Variants in SNW1 observed in about 807,000 individuals in gnomAD.
SNW1 encodes SNW domain containing 1.
SNW1 carries 9 observed loss-of-function variants against 75.6 expected under a neutral mutation model. That is an observed-to-expected ratio of 0.12 (90% CI 0.07 to 0.21). The LOEUF (loss-of-function observed/expected upper bound fraction) is 0.21, where lower values mean the gene tolerates loss of function less well. Among genes scored for constraint, SNW1 ranks in the 10% least tolerant of loss-of-function variants. The pLI is 1.00. For synonymous variants in SNW1, 200 were observed against 219.1 expected (o/e 0.91, Z 0.77); for missense variants, 409 against 670.9 (o/e 0.61, Z 4.31).
At chr14:77,723,654 T>C (rs1235325490) in intron 10 of SNW1, among the ~76,000 whole-genome samples, 1 of 151,982 alleles carries the variant, frequency 6.6e-6, no homozygotes. Flanking sequence ...TCAGCCCCAT[T>C]AGTATTTTGT....
rs1346426804 is a variant in SNW1, at chr14:77,755,129, A to G, written c.15-9T>C. ...TAGGTGCAGGTAAAAAGCTATAAGC[A>G]AAGATAATAAAAGTCAGAAATTTAA... On this transcript the variant is annotated splice_polypyrimidine_tract_variant and intron_variant, in intron 1 of 13. Coordinates refer to ENST00000261531, the MANE Select transcript of SNW1 (RefSeq NM_012245.3). 3.7e-6 allele frequency: 6 copies of G among 1,604,266 alleles called. No individual in the cohort carries two copies. Among genetic ancestry groups the G allele is most frequent in the East Asian group, 2.2e-5 (1 of 44,830 alleles).
intron 6 of SNW1, among the ~76,000 whole-genome samples, chr14:77,736,743 C>A (rs988209071): frequency 6.6e-6 from 1 of 152,066 alleles, no homozygotes; most frequent in African/African-American, 2.4e-5. Flanking sequence ...TTGCCCCTTG[C>A]CTATTCCTCT....
intron 3 of SNW1, among the ~76,000 whole-genome samples, chr14:77,751,045 A>C (rs2080803534): frequency 6.6e-6 from 1 of 152,182 alleles, no homozygotes; most frequent in African/African-American, 2.4e-5. Flanking sequence ...CTAGTAATAT[A>C]AAGTAACTGT....
In SNW1 at chr14:77,723,401, G is replaced by A. The variant is rs938696323; in HGVS notation, c.1034-124C>T. ...ATCTCACTCTGTCACCCAGGCTGGA[G>A]TGTAGTAGCATGAACATGGTTCACT... On this transcript the variant is annotated intron_variant, in intron 10 of 13. Coordinates refer to ENST00000261531, the MANE Select transcript of SNW1 (RefSeq NM_012245.3). 2.4e-5 allele frequency: 17 copies of A among 709,128 alleles called. No homozygotes were observed. The South Asian group carries it at 2.7e-4, about 11-fold the overall frequency. The allele number at this position is 709,128 out of a possible 1,614,324, so 43.9% of individuals were successfully genotyped here. A position where few individuals can be genotyped will look rare whatever the true frequency, so the allele number is the denominator to read the frequency against.
chr14:77,741,074 G>T (rs2139916047), intron 3 of SNW1, among the ~76,000 whole-genome samples: 1 of 122,766 alleles, frequency 8.1e-6, no homozygotes, highest in African/African-American at 3.2e-5. Flanking sequence ...TCCAGCCTGA[G>T]CAACAAGAGT....
chr14:77,744,446 C>CAAAAAAAAAAAAAAAAAAAAAAAATAAAA (rs11335115), intron 3 of SNW1, among the ~76,000 whole-genome samples: 2 of 82,962 alleles, frequency 2.4e-5, no homozygotes, highest in African/African-American at 5.1e-5. Flanking sequence ...GTCTCCATCT[C>CAAAAAAAAAAAAAAAAAAAAAAAATAAAA]AAAAAAAAAA....
chr14:77,757,333 G>T (rs912805525), intron 1 of SNW1, among the ~76,000 whole-genome samples: 2 of 152,182 alleles, frequency 1.3e-5, no homozygotes, highest in Admixed American at 1.3e-4. Context: ...CCAGTCTGGG[G>T]AGGTAAGTGA....
intron 3 of SNW1, among the ~76,000 whole-genome samples, chr14:77,739,579 A>T (rs2080700199): frequency 6.6e-6 from 1 of 151,936 alleles, no homozygotes; most frequent in Admixed American, 6.6e-5. Flanking sequence ...CAGTTAAAAA[A>T]CCCAGAATGC....
intron 8 of SNW1, 54 bp downstream of exon 8, chr14:77,734,893 C>T (rs2080658376): frequency 4.2e-6 from 5 of 1,181,538 alleles, no homozygotes; most frequent in Non-Finnish European, 5.0e-6. Context: ...AGTTGTTTTA[C>T]TGGTGTTTTC....
chr14:77,719,683 C>A (rs979689453), intron 12 of SNW1, among the ~76,000 whole-genome samples: 4 of 152,078 alleles, frequency 2.6e-5, no homozygotes, highest in Non-Finnish European at 5.9e-5. Context: ...ATCAAGACAC[C>A]CAGTTTGAAT....
intron 2 of SNW1, among the ~76,000 whole-genome samples, chr14:77,751,845 CCA>C (rs1555388653): frequency 5.9e-4 from 72 of 122,564 alleles, no homozygotes; most frequent in African/African-American, 2.1e-3. Flanking sequence ...CACACACACA[CCA>C]CACACACACA....
intron 3 of SNW1, among the ~76,000 whole-genome samples, chr14:77,741,785 A>G (rs768532701): frequency 6.6e-6 from 1 of 152,184 alleles, no homozygotes; most frequent in Non-Finnish European, 1.5e-5. Context: ...TGAGGAGTTT[A>G]TCACTTCTCC....
chr14:77,729,900 T>C (rs1826818159), intron 10 of SNW1, among the ~76,000 whole-genome samples: 1 of 152,192 alleles, frequency 6.6e-6, no homozygotes, highest in Non-Finnish European at 1.5e-5. Context: ...TAGTAAAAGC[T>C]TTATCTTTAG....
intron 12 of SNW1, chr14:77,720,462 G>GT: frequency 1.4e-6 from 1 of 700,070 alleles, no homozygotes; most frequent in East Asian, 2.7e-5. Flanking sequence ...GAAACAAAAG[G>GT]TTGACATACC....
chr14:77,736,231 T>G (rs1268087765), intron 6 of SNW1, among the ~76,000 whole-genome samples: 1 of 152,050 alleles, frequency 6.6e-6, no homozygotes, highest in East Asian at 1.9e-4. Context: ...TTTTGCAGAG[T>G]AATATACTTT....
At chr14:77,730,463 AT>A (rs1481016174) in intron 10 of SNW1, among the ~76,000 whole-genome samples, 3 of 152,210 alleles carry the variant, frequency 2.0e-5, no homozygotes, top group African/African-American at 7.2e-5. Context: ...TGAAAAAAAA[AT>A]AACCACCCTC....
chr14:77,722,227 T>C (rs1039485703), intron 11 of SNW1, among the ~76,000 whole-genome samples: 25 of 152,206 alleles, frequency 1.6e-4, no homozygotes, highest in African/African-American at 5.5e-4. Context: ...CCTCAGCCTT[T>C]GGTGAGCCAT....
chr14:77,734,634 A>C (rs2139907413), intron 8 of SNW1, among the ~76,000 whole-genome samples: 1 of 152,238 alleles, frequency 6.6e-6, no homozygotes, highest in Middle Eastern at 3.4e-3. Context: ...GCTACTCAGG[A>C]GGCTGAGGCA....
chr14:77,760,761 T>TG, intron 1 of SNW1: 1 of 703,554 alleles, frequency 1.4e-6, no homozygotes, highest in Non-Finnish European at 2.6e-6. Context: ...TCCGCCCAAA[T>TG]AAGCCACTAC....
Sources: allele counts gnomAD v4.1 joint callset (sites outside exome capture counted in the v4.1 genomes callset), GRCh38; gene constraint gnomAD v4.1.1; transcripts MANE v1.5; gene names NCBI Gene and HGNC (gene_info 2026-07-23, HGNC 2026-07-21).